The following RORA variants were observed in gnomAD, a reference collection of about 807,000 sequenced individuals.
RORA encodes nuclear receptor ROR-alpha.
A neutral mutation model predicts 69.5 loss-of-function variants in RORA; 7 were observed. The observed-to-expected ratio is 0.10, with a 90% CI of 0.06 to 0.19. RORA has a LOEUF of 0.19. RORA is among the 10% of genes least tolerant of loss of function. The probability of loss-of-function intolerance (pLI) is 1.00; values close to 1 mark genes in which losing one functional copy is unlikely to be tolerated. For missense variants in RORA, 457 were observed against 663.0 expected (o/e 0.69, Z 3.41); for synonymous variants, 261 against 240.8 (o/e 1.08, Z -0.78).
chr15:61,081,122 G>A (rs943611173), intron 1 of RORA, among the ~76,000 whole-genome samples: 4 of 152,174 alleles, frequency 2.6e-5, no homozygotes, highest in Admixed American at 2.0e-4. Flanking sequence ...GCGCCATGGA[G>A]AGCCTCACAT....
intron 1 of RORA, among the ~76,000 whole-genome samples, chr15:60,808,586 A>G (rs1257048437): frequency 6.6e-6 from 1 of 151,980 alleles, no homozygotes; most frequent in Non-Finnish European, 1.5e-5. Context: ...AAAATAAGTC[A>G]TTATATGAAA....
intron 2 of RORA, among the ~76,000 whole-genome samples, chr15:60,587,998 G>A (rs1021720404): frequency 6.6e-6 from 1 of 152,112 alleles, no homozygotes; most frequent in Non-Finnish European, 1.5e-5. Context: ...CTCTGACTAC[G>A]ACTCTCTCAG....
intron 1 of RORA, among the ~76,000 whole-genome samples, chr15:61,223,347 T>A (rs980642620): frequency 1.4e-5 from 2 of 146,246 alleles, no homozygotes; most frequent in Non-Finnish European, 3.0e-5. Flanking sequence ...TGACTTTACA[T>A]CCTCTTTAAC....
intron 2 of RORA, among the ~76,000 whole-genome samples, chr15:60,619,685 T>TATC (rs1567127772): frequency 6.6e-6 from 1 of 152,018 alleles, no homozygotes; most frequent in Non-Finnish European, 1.5e-5. Flanking sequence ...TTTTCTGTAT[T>TATC]GCCACTTTAT....
chr15:60,767,486 C>T (rs759701450), intron 1 of RORA, among the ~76,000 whole-genome samples: 14 of 152,158 alleles, frequency 9.2e-5, no homozygotes, highest in African/African-American at 2.4e-4. Flanking sequence ...ACACAGCTGA[C>T]GATAGAGGAG....
intron 1 of RORA, among the ~76,000 whole-genome samples, chr15:60,844,729 C>CAA (rs768499908): frequency 1.3e-5 from 2 of 152,236 alleles, no homozygotes; most frequent in South Asian, 2.1e-4. Flanking sequence ...TTTCATGAAA[C>CAA]AGACATGAAA....
intron 2 of RORA, chr15:60,627,524 G>A: frequency 1.4e-6 from 2 of 1,456,222 alleles, no homozygotes; most frequent in Non-Finnish European, 1.8e-6. Flanking sequence ...CAGAGGCCCT[G>A]TGAATCTGCT....
intron 3 of RORA, among the ~76,000 whole-genome samples, chr15:60,518,285 T>C (rs1232421870): frequency 6.6e-6 from 1 of 152,244 alleles, no homozygotes; most frequent in African/African-American, 2.4e-5. Context: ...TAAGTTAACT[T>C]CCACCCACCA....
intron 1 of RORA, among the ~76,000 whole-genome samples, chr15:60,691,057 A>G (rs1390746276): frequency 6.6e-6 from 1 of 152,124 alleles, no homozygotes; most frequent in Middle Eastern, 3.4e-3. Context: ...TCATTCTTCC[A>G]CACTAGCCAT....
At chr15:61,010,045 A>G (rs1490458386) in intron 1 of RORA, among the ~76,000 whole-genome samples, 1 of 152,196 alleles carries the variant, frequency 6.6e-6, no homozygotes, top group Non-Finnish European at 1.5e-5. Flanking sequence ...CATATGTTTA[A>G]CTGCTATTTT....
chr15:61,045,959 C>G (rs1394724174), intron 1 of RORA, among the ~76,000 whole-genome samples: 1 of 152,152 alleles, frequency 6.6e-6, no homozygotes, highest in Non-Finnish European at 1.5e-5. Flanking sequence ...GCAGTCTCCC[C>G]CAGACATCTG....
intron 2 of RORA, among the ~76,000 whole-genome samples, chr15:60,652,764 C>T (rs2070163388): frequency 6.6e-6 from 1 of 152,170 alleles, no homozygotes; most frequent in African/African-American, 2.4e-5. Flanking sequence ...TTTTGAAACA[C>T]TTAACATTTA....
chr15:60,623,319 AG>A (rs1359471725), intron 2 of RORA, among the ~76,000 whole-genome samples: 1 of 152,174 alleles, frequency 6.6e-6, no homozygotes, highest in Non-Finnish European at 1.5e-5. Flanking sequence ...AATGCCCAGG[AG>A]GGGGCAGTCA....
At chr15:60,940,030 T>A (rs1892644705) in intron 1 of RORA, among the ~76,000 whole-genome samples, 1 of 152,216 alleles carries the variant, frequency 6.6e-6, no homozygotes. Flanking sequence ...GCCTTGGCAT[T>A]GCTACTTCAA....
rs139281455 is a variant in RORA at position 61,072,055 on chromosome 15, A to C, written c.166+156998T>G. ...GGATATTTATAATTATTGTTTTTTA[A>C]ATGCTCATGATGTCACAGATAAAGA... is the stretch of plus-strand genomic sequence containing the variant. On this transcript the variant is annotated intron_variant, in intron 1 of 10. Transcript: ENST00000335670. Among the ~76,000 whole-genome samples, 654 of 152,298 alleles carry C rather than the reference A, an allele frequency of 4.3e-3. 4 individuals carry two copies. Among genetic ancestry groups the C allele is most frequent in the African/African-American group, 0.015 (628 of 41,550 alleles).
intron 1 of RORA, among the ~76,000 whole-genome samples, chr15:61,154,374 C>G (rs1335735969): frequency 6.6e-6 from 1 of 152,140 alleles, no homozygotes; most frequent in South Asian, 2.1e-4. Context: ...CACACTAACT[C>G]TCAGAGCCAT....
chr15:60,662,732 T>C (rs547278233), intron 2 of RORA, among the ~76,000 whole-genome samples: 15 of 152,218 alleles, frequency 9.9e-5, no homozygotes, highest in Non-Finnish European at 1.9e-4. Context: ...AAATCCTAGC[T>C]AAGCAATAAA....
rs1567071342 is a variant in RORA, at chr15:60,540,570, C to CG, written c.197-8720_197-8719insC. Among the ~76,000 whole-genome samples the CG allele has an allele frequency of 6.3e-5, 4 of 63,158 alleles. 1 individual carries two copies. Among genetic ancestry groups the CG allele is most frequent in the Non-Finnish European group, 1.7e-4 (4 of 22,868 alleles). 41.4% of individuals were successfully genotyped at this position (63,158 alleles called of 152,430 possible). ...CACCTGCACAATTTCCATGACCCCC[C>CG]CCCCCCAAAACTGTGCGGTCACAAA... is the stretch of plus-strand genomic sequence containing the variant. On this transcript the variant is annotated intron_variant, in intron 2 of 10. Coordinates refer to ENST00000335670, the MANE Select transcript of RORA (RefSeq NM_134261.3).
intron 1 of RORA, among the ~76,000 whole-genome samples, chr15:61,043,637 G>C (rs770926009): frequency 6.6e-6 from 1 of 152,140 alleles, no homozygotes; most frequent in South Asian, 2.1e-4. Context: ...CTGTCATACA[G>C]TTCCCTCCCA....
Sources: allele counts gnomAD v4.1 joint callset (sites outside exome capture counted in the v4.1 genomes callset), GRCh38; gene constraint gnomAD v4.1.1; transcripts MANE v1.5; gene names NCBI Gene and HGNC (gene_info 2026-07-23, HGNC 2026-07-21).